The following EFHC1 variants were observed in gnomAD, a reference collection of about 807,000 sequenced individuals.
EFHC1 encodes the protein EF-hand domain-containing protein 1.
Under a neutral mutation model 69.9 loss-of-function variants are expected in EFHC1, and 53 were observed. The observed-to-expected ratio is 0.76, with a 90% CI of 0.61 to 0.95. EFHC1 has a LOEUF of 0.95. Among genes scored for constraint, EFHC1 ranks in the 40% least tolerant of loss-of-function variants. The probability of loss-of-function intolerance (pLI) is 0.00; values close to 1 mark genes in which losing one functional copy is unlikely to be tolerated. For missense variants in EFHC1, 739 were observed against 798.7 expected (o/e 0.93, Z 0.90); for synonymous variants, 256 against 278.4 (o/e 0.92, Z 0.80).
intron 2 of EFHC1, among the ~76,000 whole-genome samples, chr6:52,427,639 A>C (rs1382598877): frequency 1.3e-5 from 2 of 151,610 alleles, no homozygotes; most frequent in Non-Finnish European, 2.9e-5. Flanking sequence ...CTGAGTGTAT[A>C]CTTCATGAAG....
chr6:52,420,693 T>G (rs1764170771), intron 1 of EFHC1, among the ~76,000 whole-genome samples: 1 of 152,062 alleles, frequency 6.6e-6, no homozygotes, highest in South Asian at 2.1e-4. Context: ...GCCTCATCCC[T>G]CTCTAGTTTT....
chr6:52,486,627 T>C (rs1765792662), intron 9 of EFHC1: 1 of 152,242 alleles, frequency 6.6e-6, no homozygotes, highest in African/African-American at 2.4e-5. Context: ...GTTTCAAATA[T>C]GAGATCAAAT....
chr6:52,494,353 TGG>T lies in EFHC1; in HGVS notation c.*2015_*2016del. 1 of 454,102 alleles carries T rather than the reference TGG, an allele frequency of 2.2e-6. No individual in the cohort carries two copies. The highest frequency in any genetic ancestry group is 4.4e-6 in the Non-Finnish European group (1 of 226,792). 28.1% of individuals were successfully genotyped at this position (454,102 alleles called of 1,614,324 possible). A position where few individuals can be genotyped will look rare whatever the true frequency, so the allele number is the denominator to read the frequency against. On this transcript the variant is annotated 3_prime_UTR_variant, in exon 11 of 11. Coordinates refer to ENST00000371068, the MANE Select transcript of EFHC1 (RefSeq NM_018100.4). ...CCTGTGGTAAAGAGTGTGTGTATAC[TGG>T]GGTGATGATAGTGGTTTCTTCTTAC...
intron 10 of EFHC1, chr6:52,490,561 GC>G: frequency 3.2e-6 from 2 of 616,064 alleles, no homozygotes; most frequent in Non-Finnish European, 5.7e-6. Context: ...CTTTAAGTGG[GC>G]CTGGGGCTGG....
intron 2 of EFHC1, among the ~76,000 whole-genome samples, chr6:52,427,557 T>C (rs1764327200): frequency 7.8e-6 from 1 of 128,482 alleles, no homozygotes; most frequent in East Asian, 1.9e-4. Context: ...TCCCTCTCTT[T>C]TTTTTTTTTC....
At chr6:52,422,658 ATAAG>A (rs1764216827) in intron 1 of EFHC1, among the ~76,000 whole-genome samples, 1 of 152,156 alleles carries the variant, frequency 6.6e-6, no homozygotes, top group East Asian at 1.9e-4. Context: ...AATATTATAG[ATAAG>A]TAATTGTGAA....
chr6:52,469,549 C>T, intron 7 of EFHC1, 76 bp downstream of exon 7: 1 of 1,588,936 alleles, frequency 6.3e-7, no homozygotes, highest in Non-Finnish European at 8.6e-7. Context: ...TATCTGTAAG[C>T]TGTAGATTAA....
chr6:52,469,207 G>A (rs574842330), intron 6 of EFHC1, 126 bp from the exon 7 acceptor site: 14 of 1,240,572 alleles, frequency 1.1e-5, no homozygotes, highest in Non-Finnish European at 1.5e-5. Context: ...GACTATATTT[G>A]TTTATGTAGA....
chr6:52,440,896 CT>C (rs955103035), intron 3 of EFHC1, among the ~76,000 whole-genome samples: 4 of 151,760 alleles, frequency 2.6e-5, no homozygotes, highest in African/African-American at 4.8e-5. Flanking sequence ...TGATGTTGAG[CT>C]TTTTTTTCAT....
At chr6:52,453,873 A>G in intron 4 of EFHC1, 1 of 1,384,342 alleles carries the variant, frequency 7.2e-7, no homozygotes, top group East Asian at 3.7e-5. Flanking sequence ...CAAACTTATA[A>G]TCCTATTATT....
At chr6:52,452,630 A>G (rs1764939650) in intron 3 of EFHC1, 58 bp from the exon 4 acceptor site, 4 of 1,591,680 alleles carry the variant, frequency 2.5e-6, no homozygotes, top group African/African-American at 2.7e-5. Context: ...TAATCAGTTT[A>G]TAACTTACTC....
chr6:52,456,279 C>T (rs1436660343), intron 5 of EFHC1, among the ~76,000 whole-genome samples: 1 of 152,184 alleles, frequency 6.6e-6, no homozygotes, highest in African/African-American at 2.4e-5. Context: ...CAGTTCTCTA[C>T]AGAACCGTCT....
At chr6:52,483,477 T>G (rs1260137423) in intron 9 of EFHC1, 1 of 152,188 alleles carries the variant, frequency 6.6e-6, no homozygotes, top group African/African-American at 2.4e-5. Context: ...TTCTGCTCCT[T>G]GTAGAGTAGG....
At chr6:52,420,666 C>G (rs758138307) in intron 1 of EFHC1, among the ~76,000 whole-genome samples, 193 bp downstream of exon 1, 4 of 152,204 alleles carry the variant, frequency 2.6e-5, no homozygotes, top group Non-Finnish European at 5.9e-5. Context: ...TCCCCTCTCT[C>G]CGATCCTTTG....
intron 1 of EFHC1, chr6:52,423,693 TAG>T: frequency 3.7e-6 from 2 of 534,698 alleles, no homozygotes; most frequent in South Asian, 2.8e-5. Context: ...TTAGTTTTTG[TAG>T]AGACAGCATC....
chr6:52,420,458 CT>C lies in EFHC1; in HGVS notation c.51del (p.Phe17LeufsTer15). 1 of 1,614,214 alleles carries C rather than the reference CT, an allele frequency of 6.2e-7. No individual in the cohort carries two copies. Among genetic ancestry groups the C allele is most frequent in the Non-Finnish European group, 8.5e-7 (1 of 1,180,042 alleles). On this transcript the variant is annotated frameshift_variant, in exon 1 of 11. Transcript: ENST00000371068. LOFTEE classifies it high-confidence loss of function. ...GCTTGCCCTTTCTTCCGGGCACGTC[CT>C]TTAAGGACTCTACGGTGAGCAGTTA... ...HGLPFLPGTS[F>X]KDSTKTAFHR...
At chr6:52,428,700 C>T (rs1764354627) in intron 2 of EFHC1, among the ~76,000 whole-genome samples, 1 of 152,090 alleles carries the variant, frequency 6.6e-6, no homozygotes, top group South Asian at 2.1e-4. Context: ...GGGTAGATAC[C>T]CAGTAGTGGG....
intron 9 of EFHC1, chr6:52,482,811 G>A: frequency 5.0e-6 from 2 of 398,546 alleles, no homozygotes. Context: ...TCCACTGGCT[G>A]CACATCCAGA....
At chr6:52,460,988 T>G (rs1377963022) in intron 5 of EFHC1, among the ~76,000 whole-genome samples, 1 of 152,140 alleles carries the variant, frequency 6.6e-6, no homozygotes, top group Non-Finnish European at 1.5e-5. Flanking sequence ...TTTGTGAGAG[T>G]TAAAAATATC....
Sources: gnomAD v4.1 joint callset for allele counts (sites outside exome capture counted in the v4.1 genomes callset) on GRCh38, gnomAD v4.1.1 for gene constraint, MANE v1.5 for transcripts, NCBI Gene and HGNC (gene_info 2026-07-23, HGNC 2026-07-21) for gene names.